PCDHA2: variants seen among roughly 807,000 people sequenced by gnomAD.
PCDHA2 encodes protocadherin alpha 2.
A neutral mutation model predicts 66.0 loss-of-function variants in PCDHA2; 58 were observed. That is an observed-to-expected ratio of 0.88 (90% CI 0.71 to 1.09). The LOEUF is 1.09. Among genes scored for constraint, PCDHA2 ranks in the 50% least tolerant of loss-of-function variants. PCDHA2 has a pLI of 0.00. For missense variants in PCDHA2, 1,267 were observed against 1,242.3 expected, an observed-to-expected ratio of 1.02 and a Z score of -0.30; for synonymous variants, 634 against 554.0, an observed-to-expected ratio of 1.14 and a Z score of -2.03.
intron 1 of PCDHA2, among the ~76,000 whole-genome samples, chr5:140,971,377 T>C (rs2096474353): frequency 6.6e-6 from 1 of 152,210 alleles, no homozygotes; most frequent in African/African-American, 2.4e-5. Flanking sequence ...AGTGCATGAC[T>C]TTAATAAAGG....
At chr5:140,972,660 ATTTTT>A (rs11350929) in intron 1 of PCDHA2, among the ~76,000 whole-genome samples, 2 of 117,266 alleles carry the variant, frequency 1.7e-5, no homozygotes, top group African/African-American at 3.3e-5. Flanking sequence ...AAGAAACCAA[ATTTTT>A]TTTTTTTTTT....
At chr5:140,870,751 C>T in intron 1 of PCDHA2, 3 of 1,613,546 alleles carry the variant, frequency 1.9e-6, no homozygotes, top group Non-Finnish European at 2.5e-6. Context: ...CAACGTGACG[C>T]TGCAGGTGTT....
intron 1 of PCDHA2, chr5:140,857,981 C>G (rs377577023): frequency 6.3e-7 from 1 of 1,596,978 alleles, no homozygotes; most frequent in Non-Finnish European, 8.6e-7. Flanking sequence ...GCCACGCCAG[C>G]GCCTACTGGT....
Position 140,803,409 on chromosome 5 carries a change from ACG to A in PCDHA2, c.2388+6059_2388+6060del, listed in dbSNP as rs782534527. 3 of 1,614,086 alleles carry A rather than the reference ACG, an allele frequency of 1.9e-6. No individual in the cohort carries two copies. In the African/African-American group the frequency reaches 4.0e-5, roughly 22 times the overall value. Reference sequence around the variant, plus strand: ...AGGCGACTGTGGGCCGGGCAAGCCCACGCTGGTGTGCTCCAGCGCGGTGGGGA... The same window carrying A: ...AGGCGACTGTGGGCCGGGCAAGCCCACTGGTGTGCTCCAGCGCGGTGGGGA... On this transcript the variant is annotated intron_variant, in intron 1 of 3. Transcript: ENST00000526136.
intron 1 of PCDHA2, chr5:140,830,430 C>T (rs1483777919): frequency 3.7e-6 from 6 of 1,613,592 alleles, no homozygotes; most frequent in Non-Finnish European, 5.1e-6. Flanking sequence ...TCACCTTGTC[C>T]TATTATGATG....
At chr5:140,849,641 C>T (rs2150443548) in intron 1 of PCDHA2, 8 of 1,598,742 alleles carry the variant, frequency 5.0e-6, no homozygotes, top group East Asian at 2.2e-5. Flanking sequence ...CAGATGCCAA[C>T]GGGCAGGTTA....
Position 140,875,692 on chromosome 5 carries a change from C to G in PCDHA2, c.2388+78340C>G, listed in dbSNP as rs781893034. On this transcript the variant is annotated intron_variant, in intron 1 of 3. Coordinates refer to ENST00000526136, the MANE Select transcript of PCDHA2 (RefSeq NM_018905.3). ...GGTGGCGTCCAAAAGACACGGGGAC[C>G]TTCTGGAGGTAAATCTGCAGAATGG... The G allele has an allele frequency of 3.7e-6, 6 of 1,613,938 alleles. No individual in the cohort carries two copies. In the African/African-American group the frequency reaches 5.3e-5, roughly 14 times the overall value.
chr5:141,006,048 G>T (rs1158028347), intron 3 of PCDHA2, among the ~76,000 whole-genome samples: 1 of 150,984 alleles, frequency 6.6e-6, no homozygotes, highest in Non-Finnish European at 1.5e-5. Context: ...TTGTAGATGA[G>T]AGTGGAGAAG....
chr5:140,873,079 T>TC (rs544069393), intron 1 of PCDHA2, among the ~76,000 whole-genome samples: 14 of 151,958 alleles, frequency 9.2e-5, no homozygotes, highest in African/African-American at 2.4e-4. Context: ...TCTAGCTATT[T>TC]CCCCCCCGTA....
rs2150361317 is a variant in PCDHA2, at chr5:140,843,502, C to A, written c.2388+46150C>A. The A allele has an allele frequency of 3.1e-6, 5 of 1,595,926 alleles. 1 individual carries two copies. The highest frequency in any genetic ancestry group is 4.3e-6 in the Non-Finnish European group (5 of 1,165,570). On this transcript the variant is annotated intron_variant, in intron 1 of 3. Transcript: ENST00000526136. ...CTGCGCTGCGGTGCTCAGCACTGCC[C>A]ACTGAGGGCGGGTGCCGGGCGGGCA...
Position 140,797,359 on chromosome 5 carries a change from CTT to C in PCDHA2, c.2388+10_2388+11del. 1 of 1,611,380 alleles carries C rather than the reference CTT, an allele frequency of 6.2e-7. No individual in the cohort carries two copies. The highest frequency in any genetic ancestry group is 8.5e-7 in the Non-Finnish European group (1 of 1,178,564). On this transcript the variant is annotated splice_region_variant and intron_variant, in intron 1 of 3. Coordinates refer to ENST00000526136, the MANE Select transcript of PCDHA2 (RefSeq NM_018905.3). ...ATCAGAATACGTAGGAAAGGTGAGTCTTTTACTTTTTCTTGCCAATTCTAAAA... is the reference window on the plus strand; with the variant it reads ...ATCAGAATACGTAGGAAAGGTGAGTCTTACTTTTTCTTGCCAATTCTAAAA...
At chr5:140,997,702 T>C (rs548432387) in intron 3 of PCDHA2, among the ~76,000 whole-genome samples, 1 of 150,740 alleles carries the variant, frequency 6.6e-6, no homozygotes, top group Non-Finnish European at 1.5e-5. Context: ...GTGTGTATGT[T>C]AACAAACACC....
chr5:140,828,862 C>G (rs368773020), intron 1 of PCDHA2: 3 of 1,614,178 alleles, frequency 1.9e-6, no homozygotes, highest in Non-Finnish European at 2.5e-6. Flanking sequence ...ATGCAGACAA[C>G]GGAACAACAG....
At chr5:140,944,865 T>G (rs1227128611) in intron 1 of PCDHA2, among the ~76,000 whole-genome samples, 3 of 152,166 alleles carry the variant, frequency 2.0e-5, no homozygotes, top group Non-Finnish European at 4.4e-5. Flanking sequence ...TTATTTATCT[T>G]AACCACCTAC....
At chr5:140,843,618 A>C in intron 1 of PCDHA2, 1 of 1,596,148 alleles carries the variant, frequency 6.3e-7, no homozygotes, top group South Asian at 1.1e-5. Context: ...GGGCCACCGA[A>C]GACGGACCTC....
chr5:140,863,250 C>T, intron 1 of PCDHA2: 1 of 1,410,418 alleles, frequency 7.1e-7, no homozygotes, highest in Non-Finnish European at 9.7e-7. Context: ...TGGCGGGCGT[C>T]GAGGTCCGGG....
intron 1 of PCDHA2, among the ~76,000 whole-genome samples, chr5:140,917,163 G>C (rs948639951): frequency 6.6e-6 from 1 of 152,182 alleles, no homozygotes; most frequent in Non-Finnish European, 1.5e-5. Flanking sequence ...ATATGGGAGG[G>C]GTGATGGTGG....
At chr5:140,967,301 G>T in intron 1 of PCDHA2, 2 of 1,612,148 alleles carry the variant, frequency 1.2e-6, no homozygotes, top group Middle Eastern at 1.7e-4. Flanking sequence ...CGACGTGGGC[G>T]CCAACTCAGT....
intron 1 of PCDHA2, chr5:140,870,636 G>C (rs2153249494): frequency 6.2e-7 from 1 of 1,612,910 alleles, no homozygotes; most frequent in Non-Finnish European, 8.5e-7. Context: ...CGGTGCACGC[G>C]GAGAGCGGCA....
Sources: gnomAD v4.1 joint callset for allele counts (sites outside exome capture counted in the v4.1 genomes callset) on GRCh38, gnomAD v4.1.1 for gene constraint, MANE v1.5 for transcripts, NCBI Gene and HGNC (gene_info 2026-07-23, HGNC 2026-07-21) for gene names.